Variants in NUDCD1 observed in about 807,000 individuals in gnomAD.
NUDCD1 encodes nudC domain-containing protein 1.
Under a neutral mutation model 67.8 loss-of-function variants are expected in NUDCD1, and 60 were observed. The ratio of observed to expected loss-of-function variants is 0.88; its 90% CI spans 0.72 to 1.10. NUDCD1 has a LOEUF of 1.10. Among genes scored for constraint, NUDCD1 ranks in the 50% least tolerant of loss-of-function variants. The probability of loss-of-function intolerance (pLI) is 0.00; values close to 1 mark genes in which losing one functional copy is unlikely to be tolerated. For synonymous variants in NUDCD1, 244 were observed against 230.8 expected, an observed-to-expected ratio of 1.06 and a Z score of -0.52; for missense variants, 643 against 695.0, an observed-to-expected ratio of 0.93 and a Z score of 0.84.
At chr8:109,256,719 C>G (rs1489881615) in intron 8 of NUDCD1, among the ~76,000 whole-genome samples, 1 of 151,326 alleles carries the variant, frequency 6.6e-6, no homozygotes, top group Non-Finnish European at 1.5e-5. Context: ...TATCGCACCA[C>G]AAGAAAAGGA....
intron 8 of NUDCD1, among the ~76,000 whole-genome samples, chr8:109,267,059 C>A (rs1175627980): frequency 3.3e-5 from 5 of 152,046 alleles, no homozygotes; most frequent in African/African-American, 1.2e-4. Flanking sequence ...TACGTTTATG[C>A]ATTTTTACTT....
At chr8:109,251,104 G>C (rs1419362506) in intron 8 of NUDCD1, among the ~76,000 whole-genome samples, 7 of 151,826 alleles carry the variant, frequency 4.6e-5, no homozygotes, top group African/African-American at 1.7e-4. Flanking sequence ...TTCTTTGTTG[G>C]AAAGTTTTTA....
rs1814415356 is a variant in NUDCD1, at chr8:109,280,740, A to C, written c.1028+228T>G. 2.0e-5 allele frequency among the ~76,000 whole-genome samples: 3 copies of C among 152,324 alleles called. No individual in the cohort carries two copies. The South Asian group carries it at 6.2e-4, about 32-fold the overall frequency. ...ATTATTATTGTATCCAGAGCTGGTA[A>C]AACAAAGCACTACCATATTCTCCAA... is the stretch of plus-strand genomic sequence containing the variant. On this transcript the variant is annotated intron_variant, in intron 6 of 9. Coordinates refer to ENST00000239690, the MANE Select transcript of NUDCD1 (RefSeq NM_032869.4).
intron 1 of NUDCD1, among the ~76,000 whole-genome samples, chr8:109,329,003 G>C (rs1209745981): frequency 6.6e-6 from 1 of 152,114 alleles, no homozygotes; most frequent in Non-Finnish European, 1.5e-5. Flanking sequence ...TGTACTCCAT[G>C]TATGTTCAAC....
At chr8:109,298,459 G>GA (rs1034858208) in intron 2 of NUDCD1, 1 of 152,056 alleles carries the variant, frequency 6.6e-6, no homozygotes, top group Non-Finnish European at 1.5e-5. Context: ...GAACTTCTGG[G>GA]AAAAAATTAA....
intron 1 of NUDCD1, 43 bp from the exon 2 acceptor site, chr8:109,322,506 C>A: frequency 1.3e-6 from 2 of 1,522,472 alleles, no homozygotes; most frequent in South Asian, 1.3e-5. Context: ...AGAGTTTTGC[C>A]TCAGATAGTT....
intron 2 of NUDCD1, among the ~76,000 whole-genome samples, chr8:109,316,731 T>C (rs1412566140): frequency 6.6e-6 from 1 of 152,170 alleles, no homozygotes; most frequent in Non-Finnish European, 1.5e-5. Flanking sequence ...AATTTCTTAA[T>C]ACCTGGTCAT....
chr8:109,259,998 A>G (rs1039031861), intron 8 of NUDCD1, among the ~76,000 whole-genome samples: 1 of 152,186 alleles, frequency 6.6e-6, no homozygotes, highest in African/African-American at 2.4e-5. Context: ...ATATCAAAAA[A>G]CAGTATGAAT....
At chr8:109,325,074 T>A (rs927665578) in intron 1 of NUDCD1, among the ~76,000 whole-genome samples, 4 of 151,704 alleles carry the variant, frequency 2.6e-5, no homozygotes, top group Admixed American at 2.6e-4. Flanking sequence ...TGGGACAGAG[T>A]GAGACTTCAT....
At position 109,316,226 on chromosome 8, in the gene NUDCD1, C is replaced by T. The variant is rs911694721; in HGVS notation, c.273+6083G>A. On this transcript the variant is annotated intron_variant, in intron 2 of 9. Transcript: ENST00000239690. The stretch of plus-strand genomic sequence containing the variant: ...GCTTTCCCAAGGCATTTTCTACTTC[C>T]TTAGCACACTTCTTTCCGAGGGACA... 3.9e-5 allele frequency: 6 copies of T among 152,162 alleles called. No individual in the cohort carries two copies. The East Asian group carries it at 1.2e-3, about 29-fold the overall frequency. The allele number at this position is 152,162 out of a possible 1,614,324, so 9.4% of individuals were successfully genotyped here.
At chr8:109,333,856 A>G (rs1034458029) in intron 1 of NUDCD1, 37 bp downstream of exon 1, 1 of 1,609,928 alleles carries the variant, frequency 6.2e-7, no homozygotes. Flanking sequence ...CCGAAAGGGG[A>G]AAGGAACGGA....
chr8:109,298,806 C>G (rs775972305), intron 2 of NUDCD1: 7 of 152,148 alleles, frequency 4.6e-5, no homozygotes, highest in Non-Finnish European at 1.0e-4. Context: ...GCCTGTGGAG[C>G]CTCGCATCAT....
intron 6 of NUDCD1, among the ~76,000 whole-genome samples, chr8:109,280,210 G>T (rs907949914): frequency 2.6e-5 from 4 of 152,192 alleles, no homozygotes; most frequent in Admixed American, 2.0e-4. Context: ...TCATAAAAGA[G>T]AATTTAATAA....
At position 109,298,011 on chromosome 8, in the gene NUDCD1, TG is replaced by T. The variant is rs552843709; in HGVS notation, c.274-1443del. ...ATGTCCTTACTGGCCACAAAATTTT[TG>T]GTGACCCATTTTTTCTTTCTAAAGC... On this transcript the variant is annotated intron_variant, in intron 2 of 9. Transcript: ENST00000239690. Among the ~76,000 whole-genome samples the T allele has an allele frequency of 1.3e-3, 203 of 152,324 alleles. 2 individuals carry two copies. Among genetic ancestry groups the T allele is most frequent in the Admixed American group, 2.5e-3 (38 of 15,302 alleles).
intron 3 of NUDCD1, among the ~76,000 whole-genome samples, chr8:109,294,228 A>G: frequency 1.3e-5 from 2 of 152,236 alleles, no homozygotes; most frequent in Middle Eastern, 6.8e-3. Context: ...GGTAGCTTTA[A>G]AAAACAAAAA....
chr8:109,295,129 G>A (rs565903594), intron 3 of NUDCD1, among the ~76,000 whole-genome samples: 3 of 152,004 alleles, frequency 2.0e-5, no homozygotes, highest in East Asian at 3.8e-4. Context: ...CTTAATACAC[G>A]CCAAGGGGAT....
intron 6 of NUDCD1, among the ~76,000 whole-genome samples, chr8:109,278,292 T>C (rs1269750322): frequency 1.3e-5 from 2 of 152,154 alleles, no homozygotes; most frequent in Admixed American, 6.5e-5. Flanking sequence ...ATCCAAATAA[T>C]TGGGGAAAAA....
At chr8:109,306,711 T>C (rs1815116431) in intron 2 of NUDCD1, among the ~76,000 whole-genome samples, 1 of 146,528 alleles carries the variant, frequency 6.8e-6, no homozygotes, top group South Asian at 2.4e-4. Context: ...TTAATACGTG[T>C]TTTCCTCTTT....
rs1813355748 is a variant in NUDCD1, at chr8:109,241,070, C to T, written c.*1939G>A. The T allele has an allele frequency of 6.6e-6, 1 of 151,988 alleles. No individual in the cohort carries two copies. Among genetic ancestry groups the T allele is most frequent in the African/African-American group, 2.4e-5 (1 of 41,384 alleles). The allele number at this position is 151,988 out of a possible 1,614,324, so 9.4% of individuals were successfully genotyped here. On this transcript the variant is annotated 3_prime_UTR_variant, in exon 10 of 10. Transcript: ENST00000239690. ...TGTTCTAAGTATATGTACCTTAGAA[C>T]ATTGTTTAAATGTTTATGGAATCCC...
Sources: gnomAD v4.1 joint callset for allele counts (sites outside exome capture counted in the v4.1 genomes callset) on GRCh38, gnomAD v4.1.1 for gene constraint, MANE v1.5 for transcripts, NCBI Gene and HGNC (gene_info 2026-07-23, HGNC 2026-07-21) for gene names.